Variants in CNOT6 observed in about 807,000 individuals in gnomAD.
CNOT6 encodes the protein CCR4-NOT transcription complex subunit 6.
In CNOT6, 12 loss-of-function variants were observed where a neutral mutation model predicts 61.2. The observed-to-expected ratio is 0.20, with a 90% CI of 0.13 to 0.32. The LOEUF is 0.32. Among genes scored for constraint, CNOT6 ranks in the 10% least tolerant of loss-of-function variants. The probability of loss-of-function intolerance (pLI) is 1.00; values close to 1 mark genes in which losing one functional copy is unlikely to be tolerated. For missense variants in CNOT6, 405 were observed against 663.9 expected (o/e 0.61, Z 4.28); for synonymous variants, 225 against 240.6 (o/e 0.94, Z 0.60).
At position 180,567,930 on chromosome 5, in the gene CNOT6, C is replaced by T; in HGVS notation, c.954C>T (p.Asn318=). The change falls in exon 9 of 12, where the codon AAC becomes AAT. Residue 318 remains asparagine, a synonymous_variant. Coordinates refer to ENST00000261951, the MANE Select transcript of CNOT6 (RefSeq NM_001370472.1). ...ANSEGSEAML[N]RVMTKDNIGV... is the part of the protein sequence containing the mutation. ...CTGAGGGGTCTGAAGCTATGCTGAA[C>T]AGAGTCATGACAAAAGATAACATTG... The T allele has an allele frequency of 6.2e-7, 1 of 1,614,134 alleles. No individual in the cohort carries two copies. Among genetic ancestry groups the T allele is most frequent in the Non-Finnish European group, 8.5e-7 (1 of 1,180,008 alleles).
chr5:180,569,428 C>T (rs1760633944), intron 10 of CNOT6, 88 bp downstream of exon 10: 1 of 1,113,726 alleles, frequency 9.0e-7, no homozygotes, highest in Admixed American at 2.2e-5. Flanking sequence ...CAAATTAAGT[C>T]CAAATAAAAA....
rs1176286473 is a variant in CNOT6 at position 180,541,440 on chromosome 5, A to ATTTTTTTTTTTTTTTTTTTTTT, written c.113-8491_113-8490insTTTTTTTTTTTTTTTTTTTTTT. ...CATGAACCACCACAACTGGCCAAGA[A>ATTTTTTTTTTTTTTTTTTTTTT]ATTTTTTTTTTTTTTTTTTTTTTTT... On this transcript the variant is annotated intron_variant, in intron 2 of 11. Transcript: ENST00000261951. Among the ~76,000 whole-genome samples, 6 of 102,928 alleles carry ATTTTTTTTTTTTTTTTTTTTTT rather than the reference A, an allele frequency of 5.8e-5. 2 individuals are homozygous for ATTTTTTTTTTTTTTTTTTTTTT. The allele number at this position is 102,928 out of a possible 152,430, so 67.5% of individuals were successfully genotyped here. A position where few individuals can be genotyped will look rare whatever the true frequency, so the allele number is the denominator to read the frequency against.
intron 11 of CNOT6, among the ~76,000 whole-genome samples, chr5:180,573,592 TGTGTGTGTGTCC>T (rs750836182): frequency 0.36 from 24,865 of 68,974 alleles, 2,216 homozygotes; most frequent in East Asian, 0.48. Flanking sequence ...TGTGTGTGTG[TGTGTGTGTGTCC>T]GTCCGTCCGT....
In CNOT6 at chr5:180,564,662, T is replaced by C; in HGVS notation, c.491-13T>C. On this transcript the variant is annotated splice_polypyrimidine_tract_variant and intron_variant, in intron 5 of 11. Coordinates refer to ENST00000261951, the MANE Select transcript of CNOT6 (RefSeq NM_001370472.1). ...AAGAATATTGCTTAATTCTGTATTT[T>C]CTATTCAACTAGTTACAACAGAACA... 1 of 1,613,274 alleles carries C rather than the reference T, an allele frequency of 6.2e-7. No homozygotes were observed. The highest frequency in any genetic ancestry group is 2.2e-5 in the East Asian group (1 of 44,866).
At chr5:180,528,175 C>T (rs1758189201) in intron 1 of CNOT6, among the ~76,000 whole-genome samples, 2 of 152,082 alleles carry the variant, frequency 1.3e-5, no homozygotes, top group Non-Finnish European at 2.9e-5. Context: ...CCATTATTTT[C>T]TTAGAGATTG....
chr5:180,551,926 A>G (rs10078195), intron 3 of CNOT6, among the ~76,000 whole-genome samples: 2,434 of 150,976 alleles, frequency 0.016, 76 homozygotes, highest in African/African-American at 0.057. Flanking sequence ...CTGGAGTGCA[A>G]TAGTGTGATC....
chr5:180,567,755 G>A, intron 8 of CNOT6, 94 bp from the exon 9 acceptor site: 1 of 1,558,160 alleles, frequency 6.4e-7, no homozygotes, highest in Non-Finnish European at 8.8e-7. Flanking sequence ...CATCGTATCT[G>A]TTAAGGAAGT....
At chr5:180,497,819 G>A (rs1163065675) in intron 1 of CNOT6, among the ~76,000 whole-genome samples, 1 of 152,112 alleles carries the variant, frequency 6.6e-6, no homozygotes, top group Non-Finnish European at 1.5e-5. Context: ...CGAGGCGGGC[G>A]GATCACTTGA....
chr5:180,531,811 C>T (rs1758402302), intron 2 of CNOT6, among the ~76,000 whole-genome samples: 3 of 152,214 alleles, frequency 2.0e-5, no homozygotes, highest in Admixed American at 6.5e-5. Flanking sequence ...GGCGAAACCC[C>T]GTCTCCACCA....
At chr5:180,519,974 T>A (rs182163386) in intron 1 of CNOT6, among the ~76,000 whole-genome samples, 1 of 152,022 alleles carries the variant, frequency 6.6e-6, no homozygotes. Context: ...GCTGGAATTA[T>A]AGGCATGTGC....
At chr5:180,508,596 T>A (rs1757238465) in intron 1 of CNOT6, among the ~76,000 whole-genome samples, 2 of 151,586 alleles carry the variant, frequency 1.3e-5, no homozygotes, top group African/African-American at 4.8e-5. Context: ...AGGTGTGAGC[T>A]ACCACGCCCA....
At chr5:180,563,416 A>G (rs7705358) in intron 4 of CNOT6, among the ~76,000 whole-genome samples, 70,559 of 150,450 alleles carry the variant, frequency 0.47, 17,464 homozygotes, top group Non-Finnish European at 0.56. Context: ...TTTTTCTTTT[A>G]TATTTTTAGT....
chr5:180,538,339 G>T (rs959330613), intron 2 of CNOT6, among the ~76,000 whole-genome samples: 1 of 142,598 alleles, frequency 7.0e-6, no homozygotes, highest in Admixed American at 7.1e-5. Context: ...GCACCTGGCC[G>T]GAACATCATC....
At chr5:180,546,773 T>A (rs988431285) in intron 2 of CNOT6, among the ~76,000 whole-genome samples, 1 of 152,240 alleles carries the variant, frequency 6.6e-6, no homozygotes, top group Non-Finnish European at 1.5e-5. Context: ...ATCAGGTAGA[T>A]CAACTGGCAA....
chr5:180,495,299 G>A (rs1362114591), intron 1 of CNOT6: 1 of 152,244 alleles, frequency 6.6e-6, no homozygotes, highest in Non-Finnish European at 1.5e-5. Flanking sequence ...GGTTAAAGAA[G>A]CACTTGGCAT....
At chr5:180,511,810 C>G (rs1362469756) in intron 1 of CNOT6, among the ~76,000 whole-genome samples, 1 of 151,914 alleles carries the variant, frequency 6.6e-6, no homozygotes, top group Non-Finnish European at 1.5e-5. Context: ...TTTTGAGCGA[C>G]AGGTTCTCTC....
At chr5:180,565,089 G>A (rs923893527) in intron 6 of CNOT6, among the ~76,000 whole-genome samples, 1 of 152,208 alleles carries the variant, frequency 6.6e-6, no homozygotes, top group African/African-American at 2.4e-5. Context: ...TATAGTACAC[G>A]GCACAGGCCC....
At chr5:180,531,921 C>T (rs959546345) in intron 2 of CNOT6, among the ~76,000 whole-genome samples, 12 of 152,186 alleles carry the variant, frequency 7.9e-5, no homozygotes, top group African/African-American at 1.2e-4. Flanking sequence ...TGCAGTGAGC[C>T]GAGATGGCGG....
intron 2 of CNOT6, among the ~76,000 whole-genome samples, chr5:180,544,954 C>A (rs543910173): frequency 2.0e-5 from 3 of 152,186 alleles, no homozygotes; most frequent in Admixed American, 6.5e-5. Flanking sequence ...CAGAATGAGA[C>A]CCTGTCTCAA....
Sources: allele counts gnomAD v4.1 joint callset (sites outside exome capture counted in the v4.1 genomes callset), GRCh38; gene constraint gnomAD v4.1.1; transcripts MANE v1.5; gene names NCBI Gene and HGNC (gene_info 2026-07-23, HGNC 2026-07-21).